GREB1L: variants seen among roughly 807,000 people sequenced by gnomAD.
GREB1L encodes the protein GREB1 like retinoic acid receptor coactivator, also known as GREB1-like protein.
A neutral mutation model predicts 200.8 loss-of-function variants in GREB1L; 17 were observed. The observed-to-expected ratio is 0.08, with a 90% CI of 0.06 to 0.13. The LOEUF (loss-of-function observed/expected upper bound fraction) is 0.13. Ranked by LOEUF, GREB1L falls within the 10% of genes least tolerant of loss-of-function variation. GREB1L has a pLI of 1.00. For synonymous variants in GREB1L, 789 were observed against 893.0 expected (o/e 0.88, Z 2.08); for missense variants, 1,657 against 2,367.7 (o/e 0.70, Z 6.23).
At chr18:21,252,730 T>A (rs2037732315) in intron 1 of GREB1L, among the ~76,000 whole-genome samples, 1 of 151,136 alleles carries the variant, frequency 6.6e-6, no homozygotes. Flanking sequence ...TAGCTGGGCG[T>A]CATGGCGGGT....
intron 4 of GREB1L, among the ~76,000 whole-genome samples, chr18:21,394,214 T>C (rs754945780): frequency 2.0e-5 from 3 of 152,202 alleles, no homozygotes; most frequent in Non-Finnish European, 4.4e-5. Flanking sequence ...CAATCAACTA[T>C]GGCCAGAAAG....
chr18:21,378,630 C>G (rs970346993), intron 2 of GREB1L, among the ~76,000 whole-genome samples: 1 of 152,232 alleles, frequency 6.6e-6, no homozygotes, highest in African/African-American at 2.4e-5. Flanking sequence ...CTGCCTTGGC[C>G]TCCCAAAGTG....
At position 21,525,026 on chromosome 18, in the gene GREB1L, A is replaced by ATATATATATATC. The variant is rs1568085597; in HGVS notation, c.*2206_*2207insATATATATATCT. 10 of 151,086 alleles carry ATATATATATATC rather than the reference A, an allele frequency of 6.6e-5. No homozygotes were observed. The highest frequency in any genetic ancestry group is 1.5e-4 in the Non-Finnish European group (10 of 67,768). 9.4% of individuals were successfully genotyped at this position (151,086 alleles called of 1,614,324 possible). A position where few individuals can be genotyped will look rare whatever the true frequency, so the allele number is the denominator to read the frequency against. ...ATGATTTGTGTGTATATATATATAT[A>ATATATATATATC]TCCTAGTGTGTTCAGCTTTAAGCTT... On this transcript the variant is annotated 3_prime_UTR_variant, in exon 33 of 33. Coordinates refer to ENST00000424526, the MANE Select transcript of GREB1L (RefSeq NM_001142966.3).
intron 1 of GREB1L, among the ~76,000 whole-genome samples, chr18:21,353,194 AG>A (rs1372744107): frequency 3.0e-4 from 45 of 151,230 alleles, no homozygotes; most frequent in African/African-American, 8.8e-4. Context: ...AAAAAAAAAA[AG>A]AAGAAAGAAA....
chr18:21,507,978 G>C (rs942939196), intron 25 of GREB1L, 140 bp from the exon 26 acceptor site: 25 of 740,412 alleles, frequency 3.4e-5, no homozygotes, highest in Non-Finnish European at 5.3e-5. Context: ...TTTTAGACGT[G>C]GCTGCTCACA....
chr18:21,392,318 C>G (rs1225598522), intron 4 of GREB1L, among the ~76,000 whole-genome samples: 1 of 151,600 alleles, frequency 6.6e-6, no homozygotes, highest in African/African-American at 2.4e-5. Flanking sequence ...ACCTGTGAGC[C>G]CTGTTCCTTA....
Position 21,520,693 on chromosome 18 carries a change from C to T in GREB1L, c.5478C>T (p.Ala1826=). 6.4e-7 allele frequency: 1 copy of T among 1,551,598 alleles called. No individual in the cohort carries two copies. The highest frequency in any genetic ancestry group is 1.2e-5 in the South Asian group (1 of 84,046). Residue 1826 remains alanine (A), a synonymous_variant, in exon 32 of 33, where the codon GCC becomes GCT. Transcript: ENST00000424526. ...DCYLNIGPEV[A]ICYISSRPHS... ...TTTTTGCTTGATGATTTCAGGTGGC[C>T]ATATGCTATATCAGCTCCAGACCCC...
intron 1 of GREB1L, among the ~76,000 whole-genome samples, chr18:21,329,374 C>T (rs2039072849): frequency 6.7e-6 from 1 of 149,842 alleles, no homozygotes; most frequent in South Asian, 2.1e-4. Context: ...ACAATTGACC[C>T]TTGTCTTACA....
At chr18:21,520,093 C>T (rs369884427) in intron 31 of GREB1L, among the ~76,000 whole-genome samples, 24 of 152,162 alleles carry the variant, frequency 1.6e-4, no homozygotes, top group Middle Eastern at 3.4e-3. Context: ...CACACCATCA[C>T]GCCTGGCTAA....
At chr18:21,498,129 C>CT (rs2036626583) in intron 21 of GREB1L, among the ~76,000 whole-genome samples, 3 of 152,074 alleles carry the variant, frequency 2.0e-5, no homozygotes, top group Admixed American at 2.0e-4. Context: ...GCCTCTCACC[C>CT]TTTTTTTGAG....
intron 1 of GREB1L, among the ~76,000 whole-genome samples, chr18:21,308,584 G>C (rs1412283209): frequency 6.6e-6 from 1 of 152,188 alleles, no homozygotes. Context: ...TTCATCTTTA[G>C]AATATTGGTA....
chr18:21,432,705 C>CTTTTT lies in GREB1L; in HGVS notation c.833-6801_833-6797dup, dbSNP rs11380208. ...AATTATTTAACATTTTCTTTTTTTT[C>CTTTTT]TTTTTTTTTTTTTTTTTTTGAGACA... On this transcript the variant is annotated intron_variant, in intron 7 of 32. Transcript: ENST00000424526. Among the ~76,000 whole-genome samples, 13 of 94,352 alleles carry CTTTTT rather than the reference C, an allele frequency of 1.4e-4. 1 individual carries two copies. Among genetic ancestry groups the CTTTTT allele is most frequent in the African/African-American group, 1.8e-4 (4 of 21,830 alleles). 61.9% of individuals were successfully genotyped at this position (94,352 alleles called of 152,430 possible).
chr18:21,368,710 C>T (rs1222868065), intron 2 of GREB1L, among the ~76,000 whole-genome samples: 2 of 152,082 alleles, frequency 1.3e-5, no homozygotes, highest in South Asian at 2.1e-4. Context: ...ATTTGATTTG[C>T]GGTACTTTTT....
intron 16 of GREB1L, among the ~76,000 whole-genome samples, chr18:21,474,832 C>A (rs1486352922): frequency 1.3e-5 from 2 of 152,164 alleles, no homozygotes; most frequent in Non-Finnish European, 2.9e-5. Context: ...GATTAAGATT[C>A]CGCTCCTTGT....
intron 7 of GREB1L, among the ~76,000 whole-genome samples, chr18:21,426,119 C>T (rs1336447913): frequency 4.0e-5 from 6 of 149,350 alleles, no homozygotes; most frequent in Non-Finnish European, 7.4e-5. Flanking sequence ...TGCAGTGGCT[C>T]GATCTCGGCT....
chr18:21,490,493 A>G, intron 19 of GREB1L, 142 bp downstream of exon 19: 1 of 715,456 alleles, frequency 1.4e-6, no homozygotes, highest in East Asian at 2.7e-5. Flanking sequence ...ATTAAGGGAC[A>G]TATTCACTTT....
At chr18:21,471,289 T>C (rs1405453154) in intron 15 of GREB1L, among the ~76,000 whole-genome samples, 1 of 152,248 alleles carries the variant, frequency 6.6e-6, no homozygotes, top group Non-Finnish European at 1.5e-5. Flanking sequence ...TCACGCTGCT[T>C]ATTTCCTAAG....
intron 15 of GREB1L, among the ~76,000 whole-genome samples, chr18:21,455,774 A>G (rs2034732808): frequency 1.3e-5 from 2 of 151,818 alleles, no homozygotes; most frequent in Admixed American, 1.3e-4. Context: ...TGTGGTTTAT[A>G]TGTTCATACC....
At chr18:21,357,049 A>C (rs560628298) in intron 1 of GREB1L, among the ~76,000 whole-genome samples, 1 of 151,962 alleles carries the variant, frequency 6.6e-6, no homozygotes, top group South Asian at 2.1e-4. Context: ...AAATCACTTG[A>C]GTTATTTATT....
Sources: allele counts gnomAD v4.1 joint callset (sites outside exome capture counted in the v4.1 genomes callset), GRCh38; gene constraint gnomAD v4.1.1; transcripts MANE v1.5; gene names NCBI Gene and HGNC (gene_info 2026-07-23, HGNC 2026-07-21).